The following DIP2A variants were observed in gnomAD, a reference collection of about 807,000 sequenced individuals.
DIP2A encodes the protein DIP2 acetate--CoA ligase A.
In DIP2A, 85 loss-of-function variants were observed where a neutral mutation model predicts 177.4. That is an observed-to-expected ratio of 0.48 (90% CI 0.40 to 0.57). The LOEUF (loss-of-function observed/expected upper bound fraction) is 0.57, where lower values mean the gene tolerates loss of function less well. Ranked by LOEUF, DIP2A falls within the 20% of genes least tolerant of loss-of-function variation. The pLI is 0.00. For synonymous variants in DIP2A, 886 were observed against 881.8 expected (o/e 1.00, Z -0.08); for missense variants, 1,791 against 2,100.2 (o/e 0.85, Z 2.88).
At chr21:46,486,582 G>C (rs80280155) in intron 2 of DIP2A, among the ~76,000 whole-genome samples, 1,732 of 152,286 alleles carry the variant, frequency 0.011, 30 homozygotes, top group African/African-American at 0.039. Flanking sequence ...GATTCAAATA[G>C]GTTATTTCAT....
chr21:46,516,651 C>T (rs1312072371), intron 8 of DIP2A, among the ~76,000 whole-genome samples: 1 of 151,860 alleles, frequency 6.6e-6, no homozygotes, highest in Admixed American at 6.6e-5. Flanking sequence ...TGCCACCGCA[C>T]CCAGCTAATT....
intron 1 of DIP2A, among the ~76,000 whole-genome samples, chr21:46,483,582 G>A (rs915411919): frequency 6.6e-6 from 1 of 152,228 alleles, no homozygotes; most frequent in Non-Finnish European, 1.5e-5. Flanking sequence ...CTCTTCTTCT[G>A]TAGGATGGCA....
chr21:46,563,989 C>G lies in DIP2A; in HGVS notation c.4164+57C>G, dbSNP rs1206713874. 6.4e-7 allele frequency: 1 copy of G among 1,563,056 alleles called. No homozygotes were observed. ...TCTCCAGCCTCACCAGCTTCACCTTCCTTCCCTTTTTGCTTCAGATTTTGG... is the reference window on the plus strand; with the variant it reads ...TCTCCAGCCTCACCAGCTTCACCTTGCTTCCCTTTTTGCTTCAGATTTTGG... On this transcript the variant is annotated intron_variant, in intron 35 of 37. Transcript: ENST00000417564. This position sits in a 1 kb window ranked among gnomAD's most constrained non-coding sequence, Gnocchi z 4.3.
chr21:46,509,414 G>A (rs770596029), intron 7 of DIP2A, 38 bp downstream of exon 7: 8 of 1,579,312 alleles, frequency 5.1e-6, no homozygotes, highest in Non-Finnish European at 6.9e-6. Flanking sequence ...CTGTTTGTAT[G>A]AAAAGGGTGG....
the DIP2A span, among the ~76,000 whole-genome samples, chr21:46,577,382 TA>T: frequency 1.2e-4 from 19 of 152,344 alleles, no homozygotes; most frequent in African/African-American, 4.1e-4. Flanking sequence ...ATTTATTAAA[TA>T]GGGAATCCTT....
intron 32 of DIP2A, among the ~76,000 whole-genome samples, chr21:46,560,445 G>T (rs1407171075): frequency 6.6e-6 from 1 of 152,228 alleles, no homozygotes; most frequent in Admixed American, 6.5e-5. Context: ...GGAATAGAAA[G>T]TTGTTAGAAC....
intron 11 of DIP2A, 25 bp from the exon 12 acceptor site, chr21:46,533,979 T>C: frequency 3.1e-6 from 5 of 1,597,572 alleles, no homozygotes; most frequent in Non-Finnish European, 8.6e-7. Context: ...TGCTTGCTGT[T>C]CTGTGTCCTG....
chr21:46,561,544 A>G (rs1263163737), intron 33 of DIP2A: 7 of 682,782 alleles, frequency 1.0e-5, no homozygotes, highest in Non-Finnish European at 1.6e-5. Context: ...GTGGGTGGCG[A>G]GTGCATGCGG....
intron 6 of DIP2A, among the ~76,000 whole-genome samples, chr21:46,506,920 T>C (rs10745030): frequency 0.68 from 101,639 of 150,454 alleles, 34,477 homozygotes; most frequent in East Asian, 0.79. Context: ...CCTGCCTCAG[T>C]CTCGTGAGTA....
intron 8 of DIP2A, among the ~76,000 whole-genome samples, chr21:46,514,850 C>A (rs1167921183): frequency 3.8e-4 from 57 of 151,944 alleles, no homozygotes; most frequent in Non-Finnish European, 7.4e-5. Flanking sequence ...AAGTTGTTAT[C>A]ATGAGTTGGG....
rs1249823740 is a variant in DIP2A at position 46,459,050 on chromosome 21, G to A, written c.-82G>A. On this transcript the variant is annotated 5_prime_UTR_variant, in exon 1 of 38. Transcript: ENST00000417564. ...CGGATGTAGGTTGTTGGCCTGAGGG[G>A]AGCTACGTAGCCGAGGTTTGCGCTG... 2 of 1,175,856 alleles carry A rather than the reference G, an allele frequency of 1.7e-6. No homozygotes were observed. Among genetic ancestry groups the A allele is most frequent in the Non-Finnish European group, 2.3e-6 (2 of 887,176 alleles). 72.8% of individuals were successfully genotyped at this position (1,175,856 alleles called of 1,614,324 possible). A position where few individuals can be genotyped will look rare whatever the true frequency, so the allele number is the denominator to read the frequency against.
chr21:46,459,309 C>T (rs1163537620), intron 1 of DIP2A, 87 bp downstream of exon 1: 6 of 1,205,744 alleles, frequency 5.0e-6, no homozygotes, highest in East Asian at 3.1e-5. Context: ...CCCGCGCGGC[C>T]CCTCACTCCA....
rs1601557714 is a variant in DIP2A at position 46,504,475 on chromosome 21, T to G, written c.770T>G (p.Leu257Arg). The G allele has an allele frequency of 6.2e-7, 1 of 1,609,612 alleles. No homozygotes were observed. Among genetic ancestry groups the G allele is most frequent in the Non-Finnish European group, 8.5e-7 (1 of 1,177,586 alleles). The change falls in exon 6 of 38, where the codon CTG becomes CGG. Residue 257 changes from leucine to arginine, a missense_variant. By Grantham distance (102) the Leu-to-Arg change is moderately radical. Coordinates refer to ENST00000417564, the MANE Select transcript of DIP2A (RefSeq NM_015151.4). Reference protein sequence around the residue: ...SVPRGCSGSMLETADGVPVNS... With the variant: ...SVPRGCSGSMRETADGVPVNS... ...CCTCGGGGGTGCAGCGGGAGCATGCTGGAAACAGCAGATGGTGAGCCTGCC... is the reference window on the plus strand; with the variant it reads ...CCTCGGGGGTGCAGCGGGAGCATGCGGGAAACAGCAGATGGTGAGCCTGCC...
At chr21:46,500,350 T>A (rs1209551012) in intron 5 of DIP2A, among the ~76,000 whole-genome samples, 1 of 152,226 alleles carries the variant, frequency 6.6e-6, no homozygotes, top group African/African-American at 2.4e-5. Context: ...TTTCTGTAGC[T>A]TTCCTGGGTG....
chr21:46,550,062 A>ATTTAT, intron 22 of DIP2A, 177 bp downstream of exon 22: 1 of 1,403,086 alleles, frequency 7.1e-7, no homozygotes, highest in Admixed American at 3.0e-5. Flanking sequence ...ACGGGATACA[A>ATTTAT]AGTGATGTTA....
chr21:46,471,139 A>G (rs529164318), intron 1 of DIP2A, among the ~76,000 whole-genome samples: 43 of 152,178 alleles, frequency 2.8e-4, no homozygotes, highest in African/African-American at 8.4e-4. Context: ...GGGCTAAGCT[A>G]TCCTCCGCTT....
chr21:46,533,732 G>C (rs2059443688), intron 11 of DIP2A, 85 bp downstream of exon 11: 2 of 1,574,352 alleles, frequency 1.3e-6, no homozygotes, highest in South Asian at 1.2e-5. Flanking sequence ...AAACATGACA[G>C]AGGTGTCTGG....
chr21:46,567,508 C>G lies in DIP2A; in HGVS notation c.4602C>G (p.Ile1534Met). 2.5e-6 allele frequency: 4 copies of G among 1,613,790 alleles called. No individual in the cohort carries two copies. The highest frequency in any genetic ancestry group is 3.4e-6 in the Non-Finnish European group (4 of 1,179,850). The change falls in exon 38 of 38, where the codon ATC (isoleucine) becomes ATG (methionine). Residue 1534 changes from isoleucine to methionine, a missense_variant. Transcript: ENST00000417564. The stretch of plus-strand genomic sequence containing the variant: ...ACCTGGTCGTGGGAGTGGTGGTCAT[C>G]GTGGACCCAGGGGTGATCCCTATCA... The part of the protein sequence containing the change: ...EHYLVVGVVV[I>M]VDPGVIPINS...
intron 1 of DIP2A, among the ~76,000 whole-genome samples, chr21:46,472,148 T>G (rs1767181758): frequency 6.6e-6 from 1 of 152,130 alleles, no homozygotes; most frequent in Non-Finnish European, 1.5e-5. Flanking sequence ...GGTGTCCTTA[T>G]AAGAAGAGGA....
Sources: allele counts gnomAD v4.1 joint callset (sites outside exome capture counted in the v4.1 genomes callset), GRCh38; gene constraint gnomAD v4.1.1; non-coding constraint Gnocchi (gnomAD v3.1); transcripts MANE v1.5; gene names NCBI Gene and HGNC (gene_info 2026-07-23, HGNC 2026-07-21).